The following TCF12 variants were observed in gnomAD, a reference collection of about 807,000 sequenced individuals.
TCF12 encodes the protein DNA-binding protein HTF4.
TCF12 carries 45 observed loss-of-function variants against 86.0 expected under a neutral mutation model. The observed-to-expected ratio is 0.52, with a 90% CI of 0.41 to 0.67. The LOEUF (loss-of-function observed/expected upper bound fraction) is 0.67. TCF12 is among the 30% of genes least tolerant of loss of function. TCF12 has a pLI of 0.00. For missense variants in TCF12, 881 were observed against 859.9 expected, an observed-to-expected ratio of 1.02 and a Z score of -0.31; for synonymous variants, 330 against 299.6, an observed-to-expected ratio of 1.10 and a Z score of -1.05.
chr15:57,276,550 T>G (rs1168494667), intron 19 of TCF12, among the ~76,000 whole-genome samples: 1 of 152,200 alleles, frequency 6.6e-6, no homozygotes, highest in Non-Finnish European at 1.5e-5. Flanking sequence ...TCTAATCTTG[T>G]GCTGAATACA....
At chr15:57,155,907 T>C (rs758346896) in intron 5 of TCF12, among the ~76,000 whole-genome samples, 17 of 152,240 alleles carry the variant, frequency 1.1e-4, no homozygotes, top group Admixed American at 6.5e-5. Context: ...TTGATGGCTA[T>C]TTATGTATTT....
At chr15:57,143,533 T>C (rs541738324) in intron 5 of TCF12, among the ~76,000 whole-genome samples, 1 of 152,204 alleles carries the variant, frequency 6.6e-6, no homozygotes, top group Non-Finnish European at 1.5e-5. Context: ...TCAGAATATT[T>C]AAAAAATGGA....
rs2061186028 is a variant in TCF12 at position 56,949,877 on chromosome 15, G to A, written c.148+28779G>A. 2.6e-5 allele frequency among the ~76,000 whole-genome samples: 4 copies of A among 152,314 alleles called. No individual in the cohort carries two copies. In the South Asian group the frequency reaches 8.3e-4, roughly 32 times the overall value. ...TAGAGAATTGGTGCATGTTTTGCTA[G>A]TGTGCTAGACAAAGGCATGTTTAGT... On this transcript the variant is annotated intron_variant, in intron 3 of 20. Transcript: ENST00000333725.
intron 3 of TCF12, among the ~76,000 whole-genome samples, chr15:56,997,408 G>C (rs1322299704): frequency 6.6e-6 from 1 of 152,184 alleles, no homozygotes; most frequent in Non-Finnish European, 1.5e-5. Flanking sequence ...TTACAAGTGA[G>C]AGCTAAATAT....
chr15:57,048,761 G>A (rs1031179004), intron 3 of TCF12, among the ~76,000 whole-genome samples: 2 of 152,116 alleles, frequency 1.3e-5, no homozygotes, highest in African/African-American at 2.4e-5. Flanking sequence ...AAACCCACAA[G>A]AATGTGAGTA....
rs12914481 is a variant in TCF12 at position 57,192,415 on chromosome 15, G to A, written c.526+122G>A. 648,763 of 1,322,706 alleles carry A rather than the reference G, an allele frequency of 0.49. 167,627 individuals are homozygous for A. Among genetic ancestry groups the A allele is most frequent in the Non-Finnish European group, 0.53 (517,205 of 976,676 alleles). 81.9% of individuals were successfully genotyped at this position (1,322,706 alleles called of 1,614,324 possible). ...TTTCCGTTTCTTTGTTTAAGACAGC[G>A]TCTCACTCTGTTACCCATGCAGGAA... On this transcript the variant is annotated intron_variant, in intron 7 of 20. Coordinates refer to ENST00000333725, the MANE Select transcript of TCF12 (RefSeq NM_207037.2).
intron 3 of TCF12, among the ~76,000 whole-genome samples, chr15:57,006,311 A>AT (rs1236225613): frequency 0.011 from 1,660 of 149,646 alleles, 31 homozygotes; most frequent in African/African-American, 0.038. Context: ...ATTGCTATTA[A>AT]TTTTTTTTTT....
chr15:57,098,162 A>G (rs961494028), intron 5 of TCF12, among the ~76,000 whole-genome samples: 1 of 152,116 alleles, frequency 6.6e-6, no homozygotes, highest in Middle Eastern at 3.4e-3. Context: ...TCCAGCCTGG[A>G]TGACAGAGCA....
At chr15:57,154,387 A>G (rs918069255) in intron 5 of TCF12, among the ~76,000 whole-genome samples, 21 of 152,178 alleles carry the variant, frequency 1.4e-4, no homozygotes, top group Non-Finnish European at 2.4e-4. Flanking sequence ...TACTAAAGTT[A>G]CTAAACTTGG....
chr15:57,228,750 G>C (rs1349704657), intron 8 of TCF12, among the ~76,000 whole-genome samples: 2 of 126,412 alleles, frequency 1.6e-5, no homozygotes, highest in African/African-American at 4.9e-5. Context: ...AAAAATGTAA[G>C]TATATTAGTG....
At chr15:57,028,112 C>CTGT (rs2065928802) in intron 3 of TCF12, among the ~76,000 whole-genome samples, 1 of 152,086 alleles carries the variant, frequency 6.6e-6, no homozygotes, top group Non-Finnish European at 1.5e-5. Context: ...CACAGGCACG[C>CTGT]ATCACCACAC....
At chr15:57,013,873 C>G (rs756497036) in intron 3 of TCF12, among the ~76,000 whole-genome samples, 15 of 152,150 alleles carry the variant, frequency 9.9e-5, no homozygotes, top group Non-Finnish European at 2.1e-4. Flanking sequence ...GGTTGCATTG[C>G]TCTTTTAAAT....
rs1480634998 is a variant in TCF12, at chr15:56,950,757, T to C, written c.148+29659T>C. On this transcript the variant is annotated intron_variant, in intron 3 of 20. Transcript: ENST00000333725. ...CTATTATGACCATGTTTTTTTTTTTTTTTTTTTTTTTTTTTTAAGTTAGAG... is the reference window on the plus strand; with the variant it reads ...CTATTATGACCATGTTTTTTTTTTTCTTTTTTTTTTTTTTTTAAGTTAGAG... Among the ~76,000 whole-genome samples the C allele has an allele frequency of 1.1e-4, 16 of 143,062 alleles. 1 individual carries two copies. The highest frequency in any genetic ancestry group is 2.0e-4 in the East Asian group (1 of 4,950). 93.9% of individuals were successfully genotyped at this position (143,062 alleles called of 152,430 possible).
chr15:57,124,304 G>T (rs1042618715), intron 5 of TCF12, among the ~76,000 whole-genome samples: 4 of 152,026 alleles, frequency 2.6e-5, no homozygotes, highest in Non-Finnish European at 5.9e-5. Context: ...CTTGATTTCA[G>T]CAAAACATTG....
At chr15:57,230,268 T>G (rs1363529078) in intron 8 of TCF12, among the ~76,000 whole-genome samples, 2 of 152,062 alleles carry the variant, frequency 1.3e-5, no homozygotes, top group Non-Finnish European at 2.9e-5. Context: ...ATAATTTGTT[T>G]GTTTCATACA....
intron 6 of TCF12, among the ~76,000 whole-genome samples, chr15:57,183,464 A>T (rs1357511362): frequency 6.6e-6 from 1 of 152,084 alleles, no homozygotes; most frequent in Non-Finnish European, 1.5e-5. Context: ...GGGATCTGTC[A>T]TTTCTGCCCC....
rs1158251850 is a variant in TCF12, at chr15:57,263,244, A to T, written c.1715A>T (p.Asp572Val). ...MKSDDESSQK[D>V]IKVSSRGRTS... ...TCAGATGATGAATCCTCCCAAAAAG[A>T]TATCAAGGTTTCATCTAGAGGCAGA... Residue 572 changes from aspartate (D) to valine (V), a missense_variant, in exon 18 of 21, where the codon GAT becomes GTT. Physicochemically the swap from Asp to Val is radical, Grantham distance 152 (BLOSUM62 -3). Coordinates refer to ENST00000333725, the MANE Select transcript of TCF12 (RefSeq NM_207037.2). 6.2e-7 allele frequency: 1 copy of T among 1,611,014 alleles called. No homozygotes were observed. Among genetic ancestry groups the T allele is most frequent in the Non-Finnish European group, 8.5e-7 (1 of 1,179,352 alleles).
intron 3 of TCF12, among the ~76,000 whole-genome samples, 184 bp downstream of exon 3, chr15:56,921,282 G>T (rs1488552705): frequency 1.3e-5 from 2 of 152,070 alleles, no homozygotes; most frequent in African/African-American, 2.4e-5. Flanking sequence ...AAATCTGTAG[G>T]AAATCAGTAG....
At chr15:56,993,464 G>GAGT (rs1479489981) in intron 3 of TCF12, among the ~76,000 whole-genome samples, 1 of 152,150 alleles carries the variant, frequency 6.6e-6, no homozygotes, top group Non-Finnish European at 1.5e-5. Context: ...GACCCAAGAA[G>GAGT]AGTACCAAAG....
Sources: allele counts gnomAD v4.1 joint callset (sites outside exome capture counted in the v4.1 genomes callset), GRCh38; gene constraint gnomAD v4.1.1; transcripts MANE v1.5; gene names NCBI Gene and HGNC (gene_info 2026-07-23, HGNC 2026-07-21).